ROBO1: variants seen among roughly 807,000 people sequenced by gnomAD.
ROBO1 encodes the protein roundabout guidance receptor 1, also known as roundabout homolog 1.
A neutral mutation model predicts 195.9 loss-of-function variants in ROBO1; 149 were observed. The ratio of observed to expected loss-of-function variants is 0.76; its 90% CI spans 0.67 to 0.87. ROBO1 has a LOEUF of 0.87. Among genes scored for constraint, ROBO1 ranks in the 40% least tolerant of loss-of-function variants. The pLI, the probability that ROBO1 is intolerant of heterozygous loss-of-function variation, is 0.00. For missense variants in ROBO1, 1,933 were observed against 2,068.3 expected, an observed-to-expected ratio of 0.93 and a Z score of 1.27; for synonymous variants, 816 against 733.2, an observed-to-expected ratio of 1.11 and a Z score of -1.82.
chr3:79,348,830 C>A (rs1004914563), intron 2 of ROBO1, among the ~76,000 whole-genome samples: 1 of 152,086 alleles, frequency 6.6e-6, no homozygotes, highest in Non-Finnish European at 1.5e-5. Flanking sequence ...TCAAAAGGGA[C>A]AGAACATAGG....
intron 1 of ROBO1, among the ~76,000 whole-genome samples, chr3:79,676,699 C>T (rs1946794862): frequency 6.6e-6 from 1 of 152,000 alleles, no homozygotes; most frequent in African/African-American, 2.4e-5. Context: ...ATATCATATC[C>T]TGGAATCTTG....
At chr3:78,903,861 C>T (rs975430631) in intron 4 of ROBO1, among the ~76,000 whole-genome samples, 1 of 151,938 alleles carries the variant, frequency 6.6e-6, no homozygotes, top group Non-Finnish European at 1.5e-5. Flanking sequence ...ATAGAATAGA[C>T]CACACTGTCT....
intron 2 of ROBO1, among the ~76,000 whole-genome samples, chr3:79,482,921 C>T (rs900501511): frequency 2.0e-5 from 3 of 152,092 alleles, no homozygotes; most frequent in Non-Finnish European, 4.4e-5. Context: ...AATAATTGTT[C>T]TAGCTATGCC....
chr3:79,393,555 G>A (rs2037032565), intron 2 of ROBO1, among the ~76,000 whole-genome samples: 2 of 152,280 alleles, frequency 1.3e-5, no homozygotes, highest in Admixed American at 1.3e-4. Context: ...ATCTTCAGAA[G>A]AGAAAATATC....
intron 3 of ROBO1, among the ~76,000 whole-genome samples, chr3:78,959,164 A>G (rs2041210223): frequency 6.6e-6 from 1 of 152,182 alleles, no homozygotes; most frequent in South Asian, 2.1e-4. Context: ...ATCAAAAAAA[A>G]TTAATCATAG....
At chr3:79,280,513 C>G (rs2031423496) in intron 2 of ROBO1, among the ~76,000 whole-genome samples, 1 of 152,096 alleles carries the variant, frequency 6.6e-6, no homozygotes, top group Admixed American at 6.5e-5. Flanking sequence ...AAACAGGGAT[C>G]ATAATTTAAA....
chr3:78,810,667 A>T, intron 4 of ROBO1, among the ~76,000 whole-genome samples: 1 of 151,984 alleles, frequency 6.6e-6, no homozygotes, highest in South Asian at 2.1e-4. Context: ...CTGATTTACA[A>T]TGGGAAAAAA....
intron 4 of ROBO1, among the ~76,000 whole-genome samples, chr3:78,832,526 G>C (rs1438807420): frequency 6.6e-6 from 1 of 152,090 alleles, no homozygotes; most frequent in Non-Finnish European, 1.5e-5. Context: ...AACAAACTCT[G>C]TCACTCACCT....
intron 4 of ROBO1, among the ~76,000 whole-genome samples, chr3:78,901,915 A>G (rs1443278108): frequency 6.6e-6 from 1 of 152,204 alleles, no homozygotes; most frequent in Non-Finnish European, 1.5e-5. Context: ...ATGAAATATA[A>G]GTATCCTATA....
At chr3:79,156,424 C>G (rs571485842) in intron 2 of ROBO1, among the ~76,000 whole-genome samples, 1 of 151,818 alleles carries the variant, frequency 6.6e-6, no homozygotes, top group South Asian at 2.1e-4. Flanking sequence ...TTTCATTTTT[C>G]ACATTGTTAC....
intron 2 of ROBO1, among the ~76,000 whole-genome samples, chr3:79,375,241 C>A (rs77203808): frequency 4.8e-4 from 73 of 152,100 alleles, no homozygotes; most frequent in African/African-American, 1.6e-3. Flanking sequence ...AGATTGGCAA[C>A]TCAATAGTTA....
At chr3:79,617,915 A>G (rs1373844213) in intron 1 of ROBO1, among the ~76,000 whole-genome samples, 2 of 36,982 alleles carry the variant, frequency 5.4e-5, no homozygotes, top group Non-Finnish European at 1.0e-4. Flanking sequence ...GACTAAAGAG[A>G]TATATTAAAA....
At chr3:79,010,451 G>C (rs889146495) in intron 3 of ROBO1, among the ~76,000 whole-genome samples, 17 of 151,964 alleles carry the variant, frequency 1.1e-4, no homozygotes, top group Admixed American at 2.0e-4. Context: ...TTAGCACTTT[G>C]TCAAGCAGAT....
chr3:79,455,171 A>G (rs2107222084), intron 2 of ROBO1, among the ~76,000 whole-genome samples: 1 of 152,210 alleles, frequency 6.6e-6, no homozygotes, highest in Non-Finnish European at 1.5e-5. Context: ...CTCTTGTAAC[A>G]GAAAGAGCAG....
At chr3:79,619,033 T>C (rs13079907) in intron 1 of ROBO1, among the ~76,000 whole-genome samples, 21 of 10,716 alleles carry the variant, frequency 2.0e-3, no homozygotes, top group African/African-American at 8.6e-3. Flanking sequence ...CCACATTCCA[T>C]TGGTGTCTGA....
intron 10 of ROBO1, among the ~76,000 whole-genome samples, chr3:78,671,495 G>C (rs925176681): frequency 6.6e-6 from 1 of 151,680 alleles, no homozygotes; most frequent in South Asian, 2.1e-4. Flanking sequence ...GATCTGTCAT[G>C]TTCCAAGCTT....
chr3:78,919,549 T>A (rs570614735), intron 4 of ROBO1, among the ~76,000 whole-genome samples: 36 of 152,332 alleles, frequency 2.4e-4, no homozygotes, highest in South Asian at 1.7e-3. Flanking sequence ...CTTAGTGGAT[T>A]GTCCTGTCAA....
At chr3:79,080,632 A>T (rs552872372) in intron 3 of ROBO1, among the ~76,000 whole-genome samples, 4 of 152,212 alleles carry the variant, frequency 2.6e-5, no homozygotes, top group African/African-American at 9.6e-5. Context: ...ATTACTATTA[A>T]TGCCTATTAA....
chr3:79,439,997 A>C (rs2039001503), intron 2 of ROBO1, among the ~76,000 whole-genome samples: 3 of 152,034 alleles, frequency 2.0e-5, no homozygotes, highest in Admixed American at 6.6e-5. Context: ...CCTTGAAAGA[A>C]ATCTGGGACT....
Sources: allele counts gnomAD v4.1 joint callset (sites outside exome capture counted in the v4.1 genomes callset), GRCh38; gene constraint gnomAD v4.1.1; transcripts MANE v1.5; gene names NCBI Gene and HGNC (gene_info 2026-07-23, HGNC 2026-07-21).